Variants in KAT14 observed in about 807,000 individuals in gnomAD.
KAT14 encodes lysine acetyltransferase 14, also known as cysteine-rich protein 2-binding protein.
A neutral mutation model predicts 78.4 loss-of-function variants in KAT14; 66 were observed. The observed-to-expected ratio is 0.84, with a 90% confidence interval of 0.69 to 1.03. The LOEUF (loss-of-function observed/expected upper bound fraction) is 1.03, where lower values mean the gene tolerates loss of function less well. KAT14 is among the 50% of genes least tolerant of loss of function. The pLI is 0.00. For missense variants in KAT14, 870 were observed against 972.5 expected (o/e 0.89, Z 1.40); for synonymous variants, 344 against 359.4 (o/e 0.96, Z 0.48).
intron 4 of KAT14, among the ~76,000 whole-genome samples, chr20:18,155,142 C>T (rs1336290616): frequency 1.3e-5 from 2 of 152,122 alleles, no homozygotes; most frequent in Admixed American, 6.5e-5. Flanking sequence ...GCCTGGCCTC[C>T]CAAAATGCTG....
chr20:18,164,611 CTTGTTCTTTT>C (rs1568669512), intron 7 of KAT14, among the ~76,000 whole-genome samples: 6 of 42,486 alleles, frequency 1.4e-4, no homozygotes, highest in Non-Finnish European at 2.8e-4. Context: ...TTCACTTGTT[CTTGTTCTTTT>C]TTTTTTTTTT....
chr20:18,140,015 A>T (rs921914487), intron 1 of KAT14, among the ~76,000 whole-genome samples: 3 of 152,338 alleles, frequency 2.0e-5, no homozygotes, highest in East Asian at 1.9e-4. Flanking sequence ...TGAGGGTCAC[A>T]GGAAGGATGT....
In KAT14 at chr20:18,142,080, G is replaced by A. The variant is rs866369756; in HGVS notation, c.-453-128G>A. ...TACATTTGTACAGAAAATTAAAATA[G>A]TAACTGGGTATTTGGAATCTGAAAG... On this transcript the variant is annotated intron_variant, in intron 1 of 10. Transcript: ENST00000688188. 5.7e-5 allele frequency: 54 copies of A among 952,272 alleles called. No homozygotes were observed. In the Middle Eastern group the frequency reaches 2.5e-3, roughly 43 times the overall value. 59.0% of individuals were successfully genotyped at this position (952,272 alleles called of 1,614,324 possible). A position where few individuals can be genotyped will look rare whatever the true frequency, so the allele number is the denominator to read the frequency against.
At chr20:18,187,050 G>A (rs994779273) in intron 10 of KAT14, among the ~76,000 whole-genome samples, 1 of 152,146 alleles carries the variant, frequency 6.6e-6, no homozygotes, top group Admixed American at 6.5e-5. Flanking sequence ...TTGCTTCAAA[G>A]AAAAATAAAA....
At chr20:18,170,788 C>T (rs567324047) in intron 7 of KAT14, among the ~76,000 whole-genome samples, 1 of 152,336 alleles carries the variant, frequency 6.6e-6, no homozygotes, top group African/African-American at 2.4e-5. Context: ...CCGCCCGCCT[C>T]GGCCTCCCAA....
At chr20:18,141,148 G>GT (rs748910455) in intron 1 of KAT14, among the ~76,000 whole-genome samples, 2 of 150,494 alleles carry the variant, frequency 1.3e-5, no homozygotes, top group Non-Finnish European at 2.9e-5. Flanking sequence ...GATTACAGGA[G>GT]TGCTGGGATT....
intron 7 of KAT14, among the ~76,000 whole-genome samples, chr20:18,171,256 G>T (rs1207848281): frequency 6.6e-6 from 1 of 152,210 alleles, no homozygotes; most frequent in African/African-American, 2.4e-5. Flanking sequence ...GAAAGAGCAA[G>T]AGAACTAGAA....
chr20:18,152,446 G>A (rs960493498), intron 4 of KAT14, among the ~76,000 whole-genome samples: 6 of 152,008 alleles, frequency 3.9e-5, no homozygotes, highest in South Asian at 2.1e-4. Flanking sequence ...GCTTGGTGGC[G>A]GGTGCCCGTA....
intron 7 of KAT14, among the ~76,000 whole-genome samples, chr20:18,169,796 G>A (rs1483017022): frequency 6.6e-6 from 1 of 152,248 alleles, no homozygotes; most frequent in Non-Finnish European, 1.5e-5. Context: ...GAGGCCTCTT[G>A]TGCCAAACAA....
At chr20:18,145,459 A>G (rs948756405) in intron 3 of KAT14, 108 bp downstream of exon 3, 2 of 1,465,250 alleles carry the variant, frequency 1.4e-6, no homozygotes, top group African/African-American at 2.8e-5. Context: ...TTGGAGGGGC[A>G]CTTTTTATTT....
chr20:18,159,033 C>T, intron 4 of KAT14, 51 bp from the exon 5 acceptor site: 1 of 1,556,354 alleles, frequency 6.4e-7, no homozygotes, highest in Non-Finnish European at 8.6e-7. Context: ...ACTGTCTTTT[C>T]TGTATAATGA....
intron 5 of KAT14, among the ~76,000 whole-genome samples, chr20:18,161,487 T>C (rs2038419074): frequency 6.6e-6 from 1 of 152,188 alleles, no homozygotes; most frequent in South Asian, 2.1e-4. Flanking sequence ...AACATTTCTC[T>C]TTATTGAACA....
rs1486665441 is a variant in KAT14, at chr20:18,187,392, A to G, written c.2279A>G (p.Tyr760Cys). 4 of 1,614,250 alleles carry G rather than the reference A, an allele frequency of 2.5e-6. No individual in the cohort carries two copies. The highest frequency in any genetic ancestry group is 2.5e-6 in the Non-Finnish European group (3 of 1,180,052). Residue 760 changes from tyrosine (Y) to cysteine (C), a missense_variant, in exon 11 of 11, where the codon TAT becomes TGT. Physicochemically the swap from Tyr to Cys is radical, Grantham distance 194 (BLOSUM62 -2). Coordinates refer to ENST00000688188, the MANE Select transcript of KAT14 (RefSeq NM_001392073.1). ...FKTEEYVLDFYDKYYPLESTE... is the reference protein window; with the variant it reads ...FKTEEYVLDFCDKYYPLESTE... ...ACTGAAGAATATGTATTAGATTTCT[A>G]TGATAAATATTACCCATTGGAGAGT...
chr20:18,139,039 A>C (rs1007136968), intron 1 of KAT14, among the ~76,000 whole-genome samples: 16 of 152,168 alleles, frequency 1.1e-4, no homozygotes, highest in African/African-American at 3.9e-4. Context: ...TGATTTGCCT[A>C]CCCAGACCTT....
intron 1 of KAT14, chr20:18,138,286 C>T (rs1032154117): frequency 8.3e-6 from 10 of 1,207,704 alleles, no homozygotes; most frequent in Admixed American, 4.5e-5. Context: ...CCCGGCTGCC[C>T]GGCTTAGCGC....
chr20:18,173,060 G>A (rs1453230908), intron 7 of KAT14, among the ~76,000 whole-genome samples: 1 of 152,118 alleles, frequency 6.6e-6, no homozygotes, highest in Non-Finnish European at 1.5e-5. Flanking sequence ...ATCCCAATAG[G>A]TTAGGCTCTG....
At chr20:18,153,316 G>A (rs2038113984) in intron 4 of KAT14, among the ~76,000 whole-genome samples, 1 of 152,100 alleles carries the variant, frequency 6.6e-6, no homozygotes, top group Admixed American at 6.6e-5. Context: ...TAGTTCTTGA[G>A]CTATTTATTG....
At chr20:18,148,468 C>T (rs541170303) in intron 3 of KAT14, among the ~76,000 whole-genome samples, 12 of 152,222 alleles carry the variant, frequency 7.9e-5, no homozygotes, top group Non-Finnish European at 1.6e-4. Flanking sequence ...TGTTATTTTT[C>T]TAGTGTTCTT....
Position 18,159,250 on chromosome 20 carries a change from A to T in KAT14, c.667A>T (p.Thr223Ser), listed in dbSNP as rs754687245. The T allele has an allele frequency of 1.9e-6, 3 of 1,613,826 alleles. No individual in the cohort carries two copies. Among genetic ancestry groups the T allele is most frequent in the Non-Finnish European group, 2.5e-6 (3 of 1,179,984 alleles). ...TGAAGGAGAGAAGTTGTCTGCCTCT[A>T]CTTTGAAAATAAAAGGTACTGTTGT... ...KPEGEKLSAS[T>S]LKIKASKPTL... Residue 223 changes from threonine to serine, a missense_variant, in exon 5 of 11, where the codon ACT becomes TCT. Transcript: ENST00000688188.
Sources: gnomAD v4.1 joint callset for allele counts (sites outside exome capture counted in the v4.1 genomes callset) on GRCh38, gnomAD v4.1.1 for gene constraint, MANE v1.5 for transcripts, NCBI Gene and HGNC (gene_info 2026-07-23, HGNC 2026-07-21) for gene names.